EPB41L3: variants seen among roughly 807,000 people sequenced by gnomAD.
The protein encoded by EPB41L3 is erythrocyte membrane protein band 4.1 like 3, also known as band 4.1-like protein 3.
Under a neutral mutation model 127.1 loss-of-function variants are expected in EPB41L3, and 57 were observed. The ratio of observed to expected loss-of-function variants is 0.45; its 90% CI spans 0.36 to 0.56. The LOEUF is 0.56. Among genes scored for constraint, EPB41L3 ranks in the 20% least tolerant of loss-of-function variants. The pLI, the probability that EPB41L3 is intolerant of heterozygous loss-of-function variation, is 0.00. For synonymous variants in EPB41L3, 572 were observed against 549.5 expected, an observed-to-expected ratio of 1.04 and a Z score of -0.57; for missense variants, 1,273 against 1,372.2, an observed-to-expected ratio of 0.93 and a Z score of 1.14.
At chr18:5,562,627 G>C (rs73937165) in intron 3 of EPB41L3, among the ~76,000 whole-genome samples, 2,511 of 152,312 alleles carry the variant, frequency 0.016, 75 homozygotes, top group African/African-American at 0.058. Flanking sequence ...AGTGCCTGGC[G>C]CATTGTCAGA....
chr18:5,545,236 A>C (rs1010829914), upstream of EPB41L3, among the ~76,000 whole-genome samples: 1 of 152,180 alleles, frequency 6.6e-6, no homozygotes, highest in African/African-American at 2.4e-5. Flanking sequence ...GCCTTCTCCA[A>C]ATCATCCGGT....
intron 1 of EPB41L3, among the ~76,000 whole-genome samples, chr18:5,528,656 G>A (rs189321244): frequency 5.7e-4 from 86 of 152,152 alleles, no homozygotes; most frequent in African/African-American, 1.2e-3. Flanking sequence ...GGAGTAGAGT[G>A]GTGTGATCTC....
chr18:5,605,806 A>C (rs2094644627), intron 3 of EPB41L3, among the ~76,000 whole-genome samples: 1 of 152,168 alleles, frequency 6.6e-6, no homozygotes, highest in Admixed American at 6.5e-5. Context: ...TGTGTGAGAA[A>C]GGCACACACC....
chr18:5,416,083 T>C lies in EPB41L3; in HGVS notation c.1802A>G (p.Asp601Gly). The change falls in exon 13 of 23, where the codon GAT (aspartate) becomes GGT (glycine). Residue 601 changes from aspartate (D) to glycine (G), a missense_variant. Physicochemically the swap from Asp to Gly is moderately conservative, Grantham distance 94. This residue lies in a region of EPB41L3 where 765 missense variants were observed against 782.9 expected (regional missense o/e 0.98). Coordinates refer to ENST00000341928, the MANE Select transcript of EPB41L3 (RefSeq NM_012307.5). ...GGGGAAAGAGAGGTATCCATCATCA[T>C]CTAGGAGGGAGGGGAATGACTCAGG... ...QLPESFPSLLDDDGYLSFPNL... is the reference protein window; with the variant it reads ...QLPESFPSLLGDDGYLSFPNL... The C allele has an allele frequency of 6.2e-7, 1 of 1,612,666 alleles. No individual in the cohort carries two copies. The highest frequency in any genetic ancestry group is 2.2e-5 in the East Asian group (1 of 44,842).
intron 13 of EPB41L3, among the ~76,000 whole-genome samples, chr18:5,415,577 G>A (rs185982217): frequency 1.3e-5 from 2 of 152,300 alleles, no homozygotes; most frequent in East Asian, 1.9e-4. Flanking sequence ...TTCATCCCAC[G>A]TAGAACTCAG....
chr18:5,513,125 C>T (rs942194824), intron 1 of EPB41L3, among the ~76,000 whole-genome samples: 2 of 152,188 alleles, frequency 1.3e-5, no homozygotes, highest in East Asian at 1.9e-4. Flanking sequence ...TCTTTCCAGG[C>T]ACATAGTAGG....
chr18:5,623,537 AAGC>A (rs2094888793), intron 1 of EPB41L3, among the ~76,000 whole-genome samples: 1 of 152,186 alleles, frequency 6.6e-6, no homozygotes, highest in South Asian at 2.1e-4. Flanking sequence ...AATAGTCTGG[AAGC>A]ATTTTCATTC....
intron 2 of EPB41L3, chr18:5,614,247 A>C (rs2094765040): frequency 6.6e-6 from 1 of 152,214 alleles, no homozygotes; most frequent in South Asian, 2.1e-4. Flanking sequence ...CTTTTCCACC[A>C]CTTTGATCCA....
In EPB41L3 at chr18:5,398,033, T is replaced by C; in HGVS notation, c.2460A>G (p.Gln820=). The C allele has an allele frequency of 6.2e-7, 1 of 1,614,120 alleles. No homozygotes were observed. The change falls in exon 17 of 23, where the codon CAA becomes CAG. Residue 820 remains glutamine, a synonymous_variant. Coordinates refer to ENST00000341928, the MANE Select transcript of EPB41L3 (RefSeq NM_012307.5). ...AACAAATGGCCACCTGAACCCAGCTTTGAGAAGTAGAAGTAACCCCTCCTA... is the reference window on the plus strand; with the variant it reads ...AACAAATGGCCACCTGAACCCAGCTCTGAGAAGTAGAAGTAACCCCTCCTA... ...EFIGGVTSTS[Q]SWVQKMETKT...
intron 3 of EPB41L3, among the ~76,000 whole-genome samples, chr18:5,450,484 A>G (rs1197779002): frequency 6.6e-6 from 1 of 150,662 alleles, no homozygotes; most frequent in African/African-American, 2.4e-5. Flanking sequence ...TGAGGGGAAG[A>G]GTGTGAGGGG....
chr18:5,491,847 A>G (rs776183403), intron 1 of EPB41L3, among the ~76,000 whole-genome samples: 1 of 152,182 alleles, frequency 6.6e-6, no homozygotes, highest in African/African-American at 2.4e-5. Context: ...ACTAGAATCA[A>G]TATCTAATTC....
At chr18:5,399,627 C>T (rs982367311) in intron 16 of EPB41L3, 2 of 349,070 alleles carry the variant, frequency 5.7e-6, no homozygotes, top group African/African-American at 4.2e-5. Flanking sequence ...CTGGAACATA[C>T]TTTGCAGTAA....
At chr18:5,421,385 A>G (rs2077455201) in intron 11 of EPB41L3, among the ~76,000 whole-genome samples, 1 of 152,246 alleles carries the variant, frequency 6.6e-6, no homozygotes. Flanking sequence ...ACTCTAAAGG[A>G]GAAACAAGAG....
At chr18:5,444,202 T>G (rs558429308) in intron 4 of EPB41L3, among the ~76,000 whole-genome samples, 1 of 152,338 alleles carries the variant, frequency 6.6e-6, no homozygotes, top group African/African-American at 2.4e-5. Flanking sequence ...GACAAGTTAC[T>G]AGGATAAATT....
intron 3 of EPB41L3, among the ~76,000 whole-genome samples, chr18:5,573,151 C>T (rs2094301268): frequency 6.6e-6 from 1 of 152,154 alleles, no homozygotes; most frequent in Admixed American, 6.5e-5. Context: ...AAAATCCTGA[C>T]ACATCCAATT....
At chr18:5,458,290 T>A (rs1238996736) in intron 3 of EPB41L3, among the ~76,000 whole-genome samples, 1 of 152,212 alleles carries the variant, frequency 6.6e-6, no homozygotes, top group Non-Finnish European at 1.5e-5. Context: ...AAACATCATA[T>A]AAAGGTTAAC....
intron 1 of EPB41L3, among the ~76,000 whole-genome samples, chr18:5,519,563 C>G (rs1002516926): frequency 6.6e-6 from 1 of 152,146 alleles, no homozygotes; most frequent in Non-Finnish European, 1.5e-5. Flanking sequence ...AAAGAGGATG[C>G]AAATCCATTG....
intron 2 of EPB41L3, among the ~76,000 whole-genome samples, chr18:5,482,264 C>T (rs553397815): frequency 5.7e-4 from 87 of 152,122 alleles, no homozygotes; most frequent in African/African-American, 1.9e-3. Context: ...GAACAAAGCA[C>T]AGGAAAGATT....
At chr18:5,475,934 C>T (rs901389874) in intron 3 of EPB41L3, among the ~76,000 whole-genome samples, 1 of 152,054 alleles carries the variant, frequency 6.6e-6, no homozygotes, top group African/African-American at 2.4e-5. Flanking sequence ...CTGAAGCACA[C>T]CTTCCCTGGC....
Sources: gnomAD v4.1 joint callset for allele counts (sites outside exome capture counted in the v4.1 genomes callset) on GRCh38, gnomAD v4.1.1 for gene constraint, gnomAD v4.1.1 regional missense constraint, MANE v1.5 for transcripts, NCBI Gene and HGNC (gene_info 2026-07-23, HGNC 2026-07-21) for gene names.